The following CELF2 variants were observed in gnomAD, a reference collection of about 807,000 sequenced individuals.
CELF2 encodes CUG triplet repeat RNA-binding protein 2.
CELF2 carries 8 observed loss-of-function variants against 62.6 expected under a neutral mutation model. The ratio of observed to expected loss-of-function variants is 0.13; its 90% confidence interval spans 0.07 to 0.23. The LOEUF (loss-of-function observed/expected upper bound fraction) is 0.23, where lower values mean the gene tolerates loss of function less well. CELF2 is among the 10% of genes least tolerant of loss of function. The pLI is 1.00. For synonymous variants in CELF2, 258 were observed against 250.0 expected (o/e 1.03, Z -0.30); for missense variants, 333 against 671.0 (o/e 0.50, Z 5.56).
the CELF2 span, among the ~76,000 whole-genome samples, chr10:10,527,422 A>G: frequency 4.2e-5 from 6 of 144,410 alleles, no homozygotes; most frequent in African/African-American, 1.5e-4. Context: ...TTTCCAGCCT[A>G]GACGACAGAG....
the CELF2 span, among the ~76,000 whole-genome samples, chr10:10,693,374 T>TG: frequency 7.2e-6 from 1 of 138,686 alleles, no homozygotes; most frequent in East Asian, 2.5e-4. Flanking sequence ...TTGATCATGG[T>TG]GGATAAGCTT....
the CELF2 span, among the ~76,000 whole-genome samples, chr10:10,678,213 T>C: frequency 6.6e-6 from 1 of 152,130 alleles, no homozygotes; most frequent in African/African-American, 2.4e-5. Context: ...TTCCAAATTG[T>C]GTTTTAGGTT....
the CELF2 span, among the ~76,000 whole-genome samples, chr10:10,653,839 C>G: frequency 1.3e-5 from 2 of 149,872 alleles, no homozygotes; most frequent in African/African-American, 4.9e-5. Flanking sequence ...CATTCAAAAG[C>G]TAGCAGAAGG....
At chr10:11,262,496 T>C (rs1057151613) in intron 5 of CELF2, among the ~76,000 whole-genome samples, 3 of 152,230 alleles carry the variant, frequency 2.0e-5, no homozygotes, top group Non-Finnish European at 2.9e-5. Flanking sequence ...CTTGACTCCT[T>C]ACTGCATTTG....
intron 1 of CELF2, among the ~76,000 whole-genome samples, chr10:10,824,934 C>T (rs1278468824): frequency 6.6e-6 from 1 of 152,198 alleles, no homozygotes; most frequent in African/African-American, 2.4e-5. Flanking sequence ...GGAAATATTT[C>T]ATCAGGCAGT....
intron 2 of CELF2, among the ~76,000 whole-genome samples, chr10:10,929,391 C>T (rs2065849818): frequency 6.6e-6 from 1 of 152,200 alleles, no homozygotes; most frequent in Non-Finnish European, 1.5e-5. Flanking sequence ...AGCTCAATGC[C>T]TGCCACACAG....
the CELF2 span, among the ~76,000 whole-genome samples, chr10:10,473,920 C>A: frequency 6.6e-6 from 1 of 151,948 alleles, no homozygotes; most frequent in African/African-American, 2.4e-5. Flanking sequence ...TGAAAAAGTT[C>A]AACATCTAAA....
At chr10:10,743,771 C>T in the CELF2 span, among the ~76,000 whole-genome samples, 61,506 of 151,900 alleles carry the variant, frequency 0.4, 12,789 homozygotes, top group South Asian at 0.57. Context: ...CTTTAGAGGC[C>T]ACCATACAGA....
chr10:10,972,593 C>T lies in CELF2; in HGVS notation c.89+52594C>T, dbSNP rs981210433. 1.3e-5 allele frequency among the ~76,000 whole-genome samples: 2 copies of T among 152,100 alleles called. No homozygotes were observed. The highest frequency in any genetic ancestry group is 2.4e-5 in the African/African-American group (1 of 41,406). The stretch of plus-strand genomic sequence containing the variant: ...AGCTCATCTCTCTTACGGGTTCAAC[C>T]GTCTTCTACATATTGATGATTCTCA... On this transcript the variant is annotated intron_variant, in intron 2 of 13. Coordinates refer to the CELF2 transcript ENST00000636488. The surrounding 1 kb of genome is among the most constrained non-coding windows in gnomAD (Gnocchi z 4.4).
chr10:10,742,337 A>G, the CELF2 span, among the ~76,000 whole-genome samples: 15 of 152,268 alleles, frequency 9.9e-5, 1 homozygote, highest in South Asian at 2.9e-3. Context: ...TCTCCTTACA[A>G]TACTCTTTTG....
the CELF2 span, among the ~76,000 whole-genome samples, chr10:10,641,005 A>C: frequency 2.0e-5 from 3 of 152,132 alleles, no homozygotes; most frequent in Admixed American, 6.5e-5. Context: ...AACCGTCTTT[A>C]AGGAAGAAGA....
the CELF2 span, among the ~76,000 whole-genome samples, chr10:10,477,770 CAAA>C: frequency 9.2e-5 from 11 of 119,236 alleles, no homozygotes; most frequent in Non-Finnish European, 7.4e-5. Flanking sequence ...CCTGCAACAC[CAAA>C]AAAAAAAAAA....
rs1409756344 is a variant in CELF2, at chr10:11,005,984, C to A, written c.53+544C>A. ...TGGAGACCTCTTTCATGCATGGCGT[C>A]CTGGGTCCCCATGTATTGAAAGCAA... On this transcript the variant is annotated intron_variant, in intron 1 of 12. Transcript: ENST00000416382. The surrounding 1 kb of genome is among the most constrained non-coding windows in gnomAD (Gnocchi z 4.3). Among the ~76,000 whole-genome samples, 1 of 152,154 alleles carries A rather than the reference C, an allele frequency of 6.6e-6. No homozygotes were observed. The highest frequency in any genetic ancestry group is 1.5e-5 in the Non-Finnish European group (1 of 68,038).
chr10:10,903,098 T>C (rs1359173364), intron 1 of CELF2, among the ~76,000 whole-genome samples: 1 of 152,176 alleles, frequency 6.6e-6, no homozygotes, highest in Admixed American at 6.5e-5. Flanking sequence ...TGAGATTTCT[T>C]TGGAGCTCCT....
At chr10:10,515,180 C>T in the CELF2 span, among the ~76,000 whole-genome samples, 190 of 152,270 alleles carry the variant, frequency 1.2e-3, no homozygotes, top group African/African-American at 4.3e-3. Context: ...GTGGGAACAC[C>T]GGACTCTACA....
intron 1 of CELF2, among the ~76,000 whole-genome samples, chr10:11,093,990 T>C (rs569655401): frequency 2.0e-5 from 3 of 152,322 alleles, no homozygotes; most frequent in African/African-American, 7.2e-5. Context: ...CTGCTAATGG[T>C]ATTACAGATG....
At chr10:10,689,118 A>G in the CELF2 span, among the ~76,000 whole-genome samples, 1 of 152,308 alleles carries the variant, frequency 6.6e-6, no homozygotes, top group East Asian at 1.9e-4. Flanking sequence ...ATACTGCTCT[A>G]AAGAACTACC....
chr10:10,476,838 G>T, the CELF2 span, among the ~76,000 whole-genome samples: 1 of 151,606 alleles, frequency 6.6e-6, no homozygotes. Context: ...TATCAGTGTT[G>T]GCCCCATTCT....
chr10:10,499,550 C>T, the CELF2 span, among the ~76,000 whole-genome samples: 1 of 151,934 alleles, frequency 6.6e-6, no homozygotes, highest in East Asian at 1.9e-4. Context: ...CAATGTGGAG[C>T]TTTTAATGGG....
Sources: gnomAD v4.1 joint callset for allele counts (sites outside exome capture counted in the v4.1 genomes callset) on GRCh38, gnomAD v4.1.1 for gene constraint, Gnocchi (gnomAD v3.1) non-coding constraint, MANE v1.5 for transcripts, NCBI Gene and HGNC (gene_info 2026-07-23, HGNC 2026-07-21) for gene names.